GSE1: variants seen among roughly 807,000 people sequenced by gnomAD.
The protein encoded by GSE1 is genetic suppressor element 1.
Under a neutral mutation model 112.6 loss-of-function variants are expected in GSE1, and 32 were observed. That is an observed-to-expected ratio of 0.28 (90% CI 0.21 to 0.38). The LOEUF is 0.38. Among genes scored for constraint, GSE1 ranks in the 10% least tolerant of loss-of-function variants. The pLI is 1.00. For missense variants in GSE1, 2,348 were observed against 1,699.2 expected (o/e 1.38, Z -6.71); for synonymous variants, 1,115 against 735.6 (o/e 1.52, Z -8.35).
intron 2 of GSE1, among the ~76,000 whole-genome samples, chr16:85,635,779 C>G (rs1324862949): frequency 6.6e-6 from 1 of 152,238 alleles, no homozygotes; most frequent in African/African-American, 2.4e-5. Flanking sequence ...GCAGCTGTGT[C>G]TGCTTTGGGG....
intron 1 of GSE1, among the ~76,000 whole-genome samples, chr16:85,350,477 A>G (rs932503534): frequency 1.3e-5 from 2 of 152,162 alleles, no homozygotes; most frequent in Admixed American, 6.5e-5. Context: ...GCCAGCAGCT[A>G]GGAGACAGCC....
intron 2 of GSE1, among the ~76,000 whole-genome samples, chr16:85,645,684 A>C (rs1049403793): frequency 5.9e-5 from 9 of 152,234 alleles, no homozygotes; most frequent in Non-Finnish European, 8.8e-5. Context: ...CTCCGGACAC[A>C]GTGAAGGGGA....
At chr16:85,639,987 G>GTGC (rs2050311678) in intron 2 of GSE1, among the ~76,000 whole-genome samples, 1 of 152,202 alleles carries the variant, frequency 6.6e-6, no homozygotes, top group African/African-American at 2.4e-5. Flanking sequence ...GGGGGCGATC[G>GTGC]TGCTGCGGGC....
chr16:85,605,630 T>G (rs1279174927), intron 1 of GSE1, among the ~76,000 whole-genome samples: 1 of 151,750 alleles, frequency 6.6e-6, no homozygotes, highest in Non-Finnish European at 1.5e-5. Flanking sequence ...TCCGGCAGCT[T>G]GACTGCCATG....
intron 1 of GSE1, among the ~76,000 whole-genome samples, chr16:85,284,370 G>A (rs1336927881): frequency 2.0e-5 from 3 of 152,180 alleles, no homozygotes; most frequent in Non-Finnish European, 4.4e-5. Context: ...GGCCGGGCGC[G>A]AGAGCCTCTG....
At chr16:85,374,999 G>A (rs939975562) in intron 2 of GSE1, among the ~76,000 whole-genome samples, 7 of 152,178 alleles carry the variant, frequency 4.6e-5, no homozygotes, top group African/African-American at 9.7e-5. Context: ...CGGCCCCAGC[G>A]TTCTGGGTTT....
intron 1 of GSE1, among the ~76,000 whole-genome samples, chr16:85,571,733 A>G (rs1375419819): frequency 6.6e-6 from 1 of 152,212 alleles, no homozygotes; most frequent in African/African-American, 2.4e-5. Context: ...AGGCCCCAGC[A>G]AGGGAGGCAG....
chr16:85,664,333 T>C (rs1019814763), intron 11 of GSE1, among the ~76,000 whole-genome samples: 2 of 152,226 alleles, frequency 1.3e-5, no homozygotes, highest in East Asian at 3.9e-4. Flanking sequence ...AGTTACTTCT[T>C]GGACCTTGAG....
intron 1 of GSE1, among the ~76,000 whole-genome samples, chr16:85,225,615 G>A (rs2075471972): frequency 2.0e-5 from 3 of 152,198 alleles, no homozygotes; most frequent in South Asian, 2.1e-4. Flanking sequence ...CTTAGGGAAT[G>A]CGTGGAGCCC....
intron 1 of GSE1, among the ~76,000 whole-genome samples, chr16:85,632,242 C>T (rs1440091599): frequency 6.6e-6 from 1 of 152,224 alleles, no homozygotes; most frequent in Non-Finnish European, 1.5e-5. Flanking sequence ...CTGGCTGTTG[C>T]CTGCCATGGG....
At chr16:85,231,294 G>A (rs538382408) in intron 1 of GSE1, among the ~76,000 whole-genome samples, 8 of 151,084 alleles carry the variant, frequency 5.3e-5, no homozygotes, top group African/African-American at 1.7e-4. Flanking sequence ...TGAAAGGATG[G>A]GTGGATGGAT....
At chr16:85,667,299 C>CCACCATAA (rs1456529660) in intron 13 of GSE1, among the ~76,000 whole-genome samples, 1 of 152,208 alleles carries the variant, frequency 6.6e-6, no homozygotes, top group African/African-American at 2.4e-5. Context: ...CTCTGCCATA[C>CCACCATAA]CAGTTTGAGC....
chr16:85,179,047 A>T (rs1456481798), intron 1 of GSE1, among the ~76,000 whole-genome samples: 1 of 152,082 alleles, frequency 6.6e-6, no homozygotes, highest in Non-Finnish European at 1.5e-5. Flanking sequence ...GAAAGTGTAC[A>T]GTTCAGTGGG....
chr16:85,497,671 C>T (rs2051225779), intron 2 of GSE1, among the ~76,000 whole-genome samples: 1 of 152,152 alleles, frequency 6.6e-6, no homozygotes, highest in Non-Finnish European at 1.5e-5. Context: ...CTACAAAGAC[C>T]CCATCTCTAC....
At chr16:85,549,543 C>T (rs116816938) in intron 2 of GSE1, among the ~76,000 whole-genome samples, 96 of 152,304 alleles carry the variant, frequency 6.3e-4, no homozygotes, top group Middle Eastern at 3.4e-3. Context: ...GGGGATGCCT[C>T]GGTCCCAGGA....
At position 85,361,328 on chromosome 16, in the gene GSE1, AACAC is replaced by A. The variant is rs5818530; in HGVS notation, c.2464+3701_2464+3704del. 1.4e-4 allele frequency among the ~76,000 whole-genome samples: 13 copies of A among 95,342 alleles called. 2 individuals carry two copies. Among genetic ancestry groups the A allele is most frequent in the East Asian group, 6.3e-4 (2 of 3,164 alleles). 62.5% of individuals were successfully genotyped at this position (95,342 alleles called of 152,430 possible). On this transcript the variant is annotated intron_variant, in intron 2 of 2. Coordinates refer to the GSE1 transcript ENST00000637419. ...ACAGGCACAGACCCCCCCACACACA[AACAC>A]ACACACACACACACAGGGGCAGAGA...
At chr16:85,631,062 C>G (rs1336915228) in intron 1 of GSE1, among the ~76,000 whole-genome samples, 2 of 152,168 alleles carry the variant, frequency 1.3e-5, no homozygotes, top group African/African-American at 4.8e-5. Flanking sequence ...TTCCAGGCAG[C>G]TCTCCTAGCG....
intron 1 of GSE1, among the ~76,000 whole-genome samples, chr16:85,314,167 C>T (rs560755776): frequency 6.6e-6 from 1 of 152,140 alleles, no homozygotes; most frequent in African/African-American, 2.4e-5. Flanking sequence ...GCCTCCCTCC[C>T]CTGAGGCAGT....
At chr16:85,632,906 T>C (rs1369743099) in intron 1 of GSE1, among the ~76,000 whole-genome samples, 16 of 152,168 alleles carry the variant, frequency 1.1e-4, no homozygotes, top group Non-Finnish European at 4.4e-5. Flanking sequence ...CTTTTATTGA[T>C]TGGACACACG....
Sources: allele counts gnomAD v4.1 joint callset (sites outside exome capture counted in the v4.1 genomes callset), GRCh38; gene constraint gnomAD v4.1.1; transcripts MANE v1.5; gene names NCBI Gene and HGNC (gene_info 2026-07-23, HGNC 2026-07-21).